The following NDEL1 variants were observed in gnomAD, a reference collection of about 807,000 sequenced individuals.
NDEL1 encodes the protein nudE neurodevelopment protein 1 like 1.
A neutral mutation model predicts 45.7 loss-of-function variants in NDEL1; 9 were observed. That is an observed-to-expected ratio of 0.20 (90% CI 0.12 to 0.34). The LOEUF is 0.34. NDEL1 is among the 10% of genes least tolerant of loss of function. The pLI, the probability that NDEL1 is intolerant of heterozygous loss-of-function variation, is 1.00. For missense variants in NDEL1, 306 were observed against 406.2 expected (o/e 0.75, Z 2.12); for synonymous variants, 133 against 158.6 (o/e 0.84, Z 1.21).
At chr17:8,447,482 G>A (rs1242871463) in intron 4 of NDEL1, among the ~76,000 whole-genome samples, 2 of 152,128 alleles carry the variant, frequency 1.3e-5, no homozygotes, top group African/African-American at 2.4e-5. Flanking sequence ...ACTGTCTCAT[G>A]CATTCCCCCA....
At chr17:8,466,628 TC>T in intron 8 of NDEL1, 1 of 345,238 alleles carries the variant, frequency 2.9e-6, no homozygotes. Context: ...TTTAACTAGT[TC>T]CCTATTGCCA....
upstream of NDEL1, among the ~76,000 whole-genome samples, chr17:8,434,056 A>C (rs1481048066): frequency 6.6e-6 from 1 of 152,150 alleles, no homozygotes; most frequent in East Asian, 1.9e-4. Flanking sequence ...TTTCACCTTG[A>C]GGCATGTCTT....
At chr17:8,472,543 T>C (rs922423728), downstream of NDEL1, among the ~76,000 whole-genome samples, 12 of 152,210 alleles carry the variant, frequency 7.9e-5, no homozygotes, top group African/African-American at 2.4e-4. Context: ...CGGGCGCCTG[T>C]AATCCCAGCT....
chr17:8,425,581 CAAA>C (rs35170611), intron 1 of NDEL1, among the ~76,000 whole-genome samples: 2,066 of 131,424 alleles, frequency 0.016, 38 homozygotes, highest in African/African-American at 0.054. Flanking sequence ...GACCTTGTCT[CAAA>C]AAAAAAAAAA....
At position 8,414,231 on chromosome 17, in the gene NDEL1, A is replaced by G. The variant is rs190621990; in HGVS notation, c.-13+962A>G. Among the ~76,000 whole-genome samples the G allele has an allele frequency of 2.0e-4, 31 of 152,228 alleles. 1 individual carries two copies. The East Asian group carries it at 5.8e-3, about 28-fold the overall frequency. ...GTTTCCAATTTATTTCTATAATAAT[A>G]AACAGTGCCACAGTAAACATCACTG... is the stretch of plus-strand genomic sequence containing the variant. On this transcript the variant is annotated intron_variant, in intron 1 of 4. Transcript: ENST00000582812.
At chr17:8,442,734 A>T (rs2151712616) in intron 1 of NDEL1, among the ~76,000 whole-genome samples, 1 of 144,906 alleles carries the variant, frequency 6.9e-6, no homozygotes. Flanking sequence ...CTTGTGCTAG[A>T]TAAACTCCAA....
intron 1 of NDEL1, among the ~76,000 whole-genome samples, chr17:8,423,685 AAAACAAAC>A (rs536341797): frequency 1.7e-4 from 26 of 152,282 alleles, no homozygotes; most frequent in African/African-American, 6.0e-4. Context: ...CTCTGTCTCA[AAAACAAAC>A]AAACAAACAA....
intron 8 of NDEL1, chr17:8,463,104 C>T: frequency 2.4e-6 from 1 of 422,130 alleles, no homozygotes; most frequent in Non-Finnish European, 4.3e-6. Flanking sequence ...TGAAAGGACA[C>T]ACATTTCATG....
At chr17:8,466,073 G>C (rs1279454326) in intron 8 of NDEL1, 1 of 152,082 alleles carries the variant, frequency 6.6e-6, no homozygotes, top group Non-Finnish European at 1.5e-5. Flanking sequence ...TACTCATCTG[G>C]CGTTGCTTGC....
At chr17:8,453,939 A>G (rs1459923951) in intron 6 of NDEL1, among the ~76,000 whole-genome samples, 4 of 152,196 alleles carry the variant, frequency 2.6e-5, no homozygotes, top group African/African-American at 9.7e-5. Flanking sequence ...TAGGGAATTT[A>G]GTTTATAGTT....
At chr17:8,460,255 T>C in intron 8 of NDEL1, 95 bp downstream of exon 8, 5 of 1,314,230 alleles carry the variant, frequency 3.8e-6, no homozygotes, top group Non-Finnish European at 5.2e-6. Context: ...TAAACTCAGC[T>C]TGACAAACCT....
intron 6 of NDEL1, among the ~76,000 whole-genome samples, chr17:8,454,208 A>T (rs1318847520): frequency 1.3e-5 from 2 of 152,182 alleles, no homozygotes; most frequent in Non-Finnish European, 2.9e-5. Flanking sequence ...GAGATAGAAC[A>T]TCTATAAGAG....
rs562560811 is a variant in NDEL1 at position 8,439,545 on chromosome 17, C to T, written c.-13+3500C>T. ...CTAGGATTATAGGCATGAGCCACCGCGCCTGGCCTGCTTTGTTCGCCTGCT... is the reference window on the plus strand; with the variant it reads ...CTAGGATTATAGGCATGAGCCACCGTGCCTGGCCTGCTTTGTTCGCCTGCT... On this transcript the variant is annotated intron_variant, in intron 1 of 8. Coordinates refer to ENST00000334527, the MANE Select transcript of NDEL1 (RefSeq NM_030808.5). Among the ~76,000 whole-genome samples, 13 of 152,162 alleles carry T rather than the reference C, an allele frequency of 8.5e-5. No individual in the cohort carries two copies. In the South Asian group the frequency reaches 1.9e-3, roughly 22 times the overall value.
intron 5 of NDEL1, 39 bp from the exon 6 acceptor site, chr17:8,450,741 C>T: frequency 6.4e-7 from 1 of 1,572,080 alleles, no homozygotes; most frequent in Non-Finnish European, 8.6e-7. Context: ...TTTGCTCCCT[C>T]TAGTGAGTAT....
At chr17:8,458,547 A>G (rs1000629947) in intron 7 of NDEL1, among the ~76,000 whole-genome samples, 7 of 119,160 alleles carry the variant, frequency 5.9e-5, no homozygotes, top group Admixed American at 2.4e-4. Flanking sequence ...CTCAATTTCT[A>G]CTGTGTGTGT....
At chr17:8,446,688 A>C (rs1910104141) in intron 3 of NDEL1, 66 bp from the exon 4 acceptor site, 1 of 1,530,048 alleles carries the variant, frequency 6.5e-7, no homozygotes. Context: ...TTTTAACTTG[A>C]GTTACCTCTT....
intron 3 of NDEL1, among the ~76,000 whole-genome samples, chr17:8,446,270 T>C (rs1472522005): frequency 1.3e-5 from 2 of 152,222 alleles, no homozygotes; most frequent in African/African-American, 4.8e-5. Flanking sequence ...GGGTTAAAAA[T>C]TTCCCTTCTA....
chr17:8,433,006 C>T (rs1909055520), upstream of NDEL1, among the ~76,000 whole-genome samples: 1 of 151,958 alleles, frequency 6.6e-6, no homozygotes, highest in African/African-American at 2.4e-5. Flanking sequence ...GTTCACTTTG[C>T]TTTGACTGGA....
chr17:8,452,740 C>CTTTTTTTTTTTTTTTTTTTTTTTCCTT, intron 6 of NDEL1, among the ~76,000 whole-genome samples: 1 of 95,628 alleles, frequency 1.0e-5, no homozygotes, highest in Non-Finnish European at 2.0e-5. Context: ...TTTTTCTTCT[C>CTTTTTTTTTTTTTTTTTTTTTTTCCTT]TTTTTTTTTT....
Sources: allele counts gnomAD v4.1 joint callset (sites outside exome capture counted in the v4.1 genomes callset), GRCh38; gene constraint gnomAD v4.1.1; transcripts MANE v1.5; gene names NCBI Gene and HGNC (gene_info 2026-07-23, HGNC 2026-07-21).